Variants in TBCK observed in about 807,000 individuals in gnomAD.
TBCK encodes the protein TBC1 domain containing kinase.
TBCK carries 99 observed loss-of-function variants against 113.4 expected under a neutral mutation model. That is an observed-to-expected ratio of 0.87 (90% CI 0.74 to 1.03). The LOEUF (loss-of-function observed/expected upper bound fraction) is 1.03, where lower values mean the gene tolerates loss of function less well. Among genes scored for constraint, TBCK ranks in the 50% least tolerant of loss-of-function variants. The pLI is 0.00. For synonymous variants in TBCK, 369 were observed against 370.8 expected (o/e 1.00, Z 0.05); for missense variants, 1,045 against 1,061.3 (o/e 0.98, Z 0.21).
At chr4:106,282,612 T>C (rs1764716120) in intron 3 of TBCK, among the ~76,000 whole-genome samples, 1 of 152,180 alleles carries the variant, frequency 6.6e-6, no homozygotes, top group Non-Finnish European at 1.5e-5. Context: ...CATTATCCAT[T>C]CCATTATTGT....
rs1766904444 is a variant in TBCK, at chr4:106,301,219, T to A, written c.194-6053A>T. 2.6e-5 allele frequency among the ~76,000 whole-genome samples: 4 copies of A among 151,922 alleles called. No homozygotes were observed. The South Asian group carries it at 8.3e-4, about 32-fold the overall frequency. On this transcript the variant is annotated intron_variant, in intron 2 of 25. Transcript: ENST00000394708. ...GTTTCTCTTATGAAACTAATACAGATTAAAATTTATATGCTAGAGATACAG... is the reference window on the plus strand; with the variant it reads ...GTTTCTCTTATGAAACTAATACAGAATAAAATTTATATGCTAGAGATACAG...
Position 106,171,217 on chromosome 4 carries a change from G to A in TBCK, c.2113C>T (p.Pro705Ser). Residue 705 changes from proline (P) to serine (S), a missense_variant, in exon 23 of 26, where the codon CCT (proline) becomes TCT (serine). Physicochemically the swap from Pro to Ser is moderately conservative, Grantham distance 74. Coordinates refer to ENST00000394708, the MANE Select transcript of TBCK (RefSeq NM_001163435.3). ...TGCTGTCTGTAAGTAGCACTTTTAG[G>A]AGTCCAACAAAACAGGTTGATAGAT... ...RESINLFCWT[P>S]KSATYRQHAQ... The A allele has an allele frequency of 1.2e-6, 2 of 1,612,338 alleles. No homozygotes were observed. Among genetic ancestry groups the A allele is most frequent in the Non-Finnish European group, 1.7e-6 (2 of 1,179,200 alleles).
intron 25 of TBCK, among the ~76,000 whole-genome samples, chr4:106,090,980 C>A (rs1441295435): frequency 1.3e-5 from 2 of 152,224 alleles, no homozygotes; most frequent in African/African-American, 4.8e-5. Context: ...GCCTATTACC[C>A]AGTTCCAAAG....
chr4:106,155,109 A>T lies in TBCK; in HGVS notation c.2235+15986T>A, dbSNP rs1748969702. Among the ~76,000 whole-genome samples the T allele has an allele frequency of 4.0e-5, 6 of 151,510 alleles. 1 individual carries two copies. In the South Asian group the frequency reaches 1.2e-3, roughly 31 times the overall value. On this transcript the variant is annotated intron_variant, in intron 23 of 25. Transcript: ENST00000394708. The stretch of plus-strand genomic sequence containing the variant: ...AGTTTTATTTCTCATTCATGTTTTA[A>T]TGACATTTTTGGAGGATACACTATT...
chr4:106,159,613 C>T (rs1749526589), intron 23 of TBCK, among the ~76,000 whole-genome samples: 1 of 151,866 alleles, frequency 6.6e-6, no homozygotes. Flanking sequence ...CAAAAGAATG[C>T]TGAAAGAAAT....
rs553650617 is a variant in TBCK at position 106,298,548 on chromosome 4, T to A, written c.194-3382A>T. ...TGGCATGAACCCGGGAGGCAGAGCT[T>A]GTAGTGAGCCGAGATCCTGCCACTG... On this transcript the variant is annotated intron_variant, in intron 2 of 25. Coordinates refer to ENST00000394708, the MANE Select transcript of TBCK (RefSeq NM_001163435.3). 6.4e-4 allele frequency among the ~76,000 whole-genome samples: 97 copies of A among 152,026 alleles called. 1 individual carries two copies. Among genetic ancestry groups the A allele is most frequent in the African/African-American group, 2.2e-3 (92 of 41,470 alleles).
chr4:106,116,328 C>G lies in TBCK; in HGVS notation c.2286G>C (p.Arg762=), dbSNP rs781773071. ...AGTCAATCAGGTCCTCTGCTGAAATCCGTGGTGATACTTCTGACTTCAGGT... is the reference window on the plus strand; with the variant it reads ...AGTCAATCAGGTCCTCTGCTGAAATGCGTGGTGATACTTCTGACTTCAGGT... The part of the protein sequence containing the change: ...LNDLKSEVSP[R]ISAEDLIDLC... The change falls in exon 24 of 26, where the codon CGG becomes CGC. Residue 762 remains arginine, a synonymous_variant. Transcript: ENST00000394708. 39 of 1,613,640 alleles carry G rather than the reference C, an allele frequency of 2.4e-5. No individual in the cohort carries two copies. Among genetic ancestry groups the G allele is most frequent in the Admixed American group, 5.0e-5 (3 of 59,962 alleles).
intron 25 of TBCK, among the ~76,000 whole-genome samples, chr4:106,082,300 G>T (rs999696926): frequency 6.6e-6 from 1 of 152,188 alleles, no homozygotes; most frequent in African/African-American, 2.4e-5. Flanking sequence ...CATGGAAGCA[G>T]CTGGACGCCA....
intron 1 of TBCK, among the ~76,000 whole-genome samples, chr4:106,311,843 T>A (rs1768229484): frequency 6.6e-6 from 1 of 152,120 alleles, no homozygotes; most frequent in Non-Finnish European, 1.5e-5. Flanking sequence ...GGAAAGTCCT[T>A]TTTACAAATG....
intron 23 of TBCK, among the ~76,000 whole-genome samples, chr4:106,136,290 G>C (rs1441768188): frequency 2.1e-5 from 3 of 140,570 alleles, no homozygotes; most frequent in Non-Finnish European, 3.2e-5. Flanking sequence ...TCACTCCCAA[G>C]CTACTACCTC....
rs546067050 is a variant in TBCK, at chr4:106,072,456, G to A, written c.2571+23026C>T. 8.7e-4 allele frequency among the ~76,000 whole-genome samples: 133 copies of A among 152,302 alleles called. 3 individuals are homozygous for A. Among genetic ancestry groups the A allele is most frequent in the South Asian group, 8.1e-3 (39 of 4,824 alleles). On this transcript the variant is annotated intron_variant, in intron 25 of 25. Transcript: ENST00000394708. Reference sequence around the variant, plus strand: ...TCTTCTGGCTGGTAGAGTGTCTGCCGAGAGATCTGCTGTTAGTTTGATGGG... The same window carrying A: ...TCTTCTGGCTGGTAGAGTGTCTGCCAAGAGATCTGCTGTTAGTTTGATGGG...
At chr4:106,191,890 A>T (rs1753710453) in intron 22 of TBCK, among the ~76,000 whole-genome samples, 1 of 152,166 alleles carries the variant, frequency 6.6e-6, no homozygotes, top group Admixed American at 6.5e-5. Flanking sequence ...TGATATAGTG[A>T]CTAGAAAGGA....
intron 23 of TBCK, among the ~76,000 whole-genome samples, chr4:106,144,701 G>A (rs1405882091): frequency 6.6e-6 from 1 of 152,058 alleles, no homozygotes; most frequent in East Asian, 1.9e-4. Context: ...ATTTTCTCTT[G>A]CTTCTTTACA....
chr4:106,243,990 A>C (rs1760470326), intron 11 of TBCK, among the ~76,000 whole-genome samples: 1 of 152,144 alleles, frequency 6.6e-6, no homozygotes. Flanking sequence ...CCAGCCTAAA[A>C]TTAAAAATTT....
chr4:106,218,245 A>C (rs1757223847), intron 19 of TBCK, among the ~76,000 whole-genome samples: 1 of 149,548 alleles, frequency 6.7e-6, no homozygotes, highest in Admixed American at 6.6e-5. Flanking sequence ...CTTAAACGTT[A>C]GACCTAAAAC....
chr4:106,198,699 A>G (rs879402630), intron 20 of TBCK, among the ~76,000 whole-genome samples: 38 of 152,142 alleles, frequency 2.5e-4, no homozygotes, highest in Non-Finnish European at 5.0e-4. Flanking sequence ...ACATACTTGT[A>G]CTATACTTAA....
intron 23 of TBCK, among the ~76,000 whole-genome samples, chr4:106,135,727 G>A (rs1746479975): frequency 7.1e-6 from 1 of 141,502 alleles, no homozygotes; most frequent in Non-Finnish European, 1.6e-5. Flanking sequence ...CGGTACTTGG[G>A]ATATTTCAAT....
chr4:106,294,598 C>G (rs1408384494), intron 3 of TBCK, among the ~76,000 whole-genome samples: 1 of 151,880 alleles, frequency 6.6e-6, no homozygotes, highest in African/African-American at 2.4e-5. Flanking sequence ...TCTCCTTTCT[C>G]AGCCTCCTGA....
chr4:106,170,716 T>C (rs1346283686), intron 23 of TBCK, among the ~76,000 whole-genome samples: 4 of 152,152 alleles, frequency 2.6e-5, no homozygotes, highest in Non-Finnish European at 4.4e-5. Context: ...GGCATAGTTT[T>C]ACAAATGCTG....
Sources: allele counts gnomAD v4.1 joint callset (sites outside exome capture counted in the v4.1 genomes callset), GRCh38; gene constraint gnomAD v4.1.1; transcripts MANE v1.5; gene names NCBI Gene and HGNC (gene_info 2026-07-23, HGNC 2026-07-21).